Variants in CCDC60 observed in about 807,000 individuals in gnomAD.
CCDC60 encodes coiled-coil domain containing 60, also known as coiled-coil domain-containing protein 60.
In CCDC60, 54 loss-of-function variants were observed where a neutral mutation model predicts 63.5. The observed-to-expected ratio is 0.85, with a 90% CI of 0.68 to 1.07. The LOEUF (loss-of-function observed/expected upper bound fraction) is 1.07. CCDC60 is among the 50% of genes least tolerant of loss of function. The pLI is 0.00. For missense variants in CCDC60, 651 were observed against 684.3 expected, an observed-to-expected ratio of 0.95 and a Z score of 0.54; for synonymous variants, 206 against 238.8, an observed-to-expected ratio of 0.86 and a Z score of 1.27.
At chr12:119,474,524 T>C (rs1472455244) in intron 3 of CCDC60, among the ~76,000 whole-genome samples, 2 of 152,212 alleles carry the variant, frequency 1.3e-5, no homozygotes, top group Non-Finnish European at 2.9e-5. Context: ...AGCAGATTGT[T>C]GGTTGCCAGA....
intron 6 of CCDC60, among the ~76,000 whole-genome samples, chr12:119,504,863 C>T (rs534757784): frequency 6.6e-6 from 1 of 152,314 alleles, no homozygotes; most frequent in Admixed American, 6.5e-5. Flanking sequence ...CACATTTTAA[C>T]ATTATCTCGA....
intron 1 of CCDC60, among the ~76,000 whole-genome samples, chr12:119,359,149 T>A (rs1955746746): frequency 6.6e-6 from 1 of 152,244 alleles, no homozygotes; most frequent in African/African-American, 2.4e-5. Flanking sequence ...GGGTGCTTAG[T>A]AGTATCATAT....
At chr12:119,471,906 CTCTT>C (rs367865178) in intron 2 of CCDC60, 84 bp from the exon 3 acceptor site, 139 of 1,101,184 alleles carry the variant, frequency 1.3e-4, no homozygotes, top group African/African-American at 1.2e-3. Flanking sequence ...TTTCCTCTCT[CTCTT>C]TCTTTCTCTC....
At chr12:119,336,831 G>A (rs990003968) in intron 1 of CCDC60, among the ~76,000 whole-genome samples, 6 of 152,192 alleles carry the variant, frequency 3.9e-5, no homozygotes, top group East Asian at 1.9e-4. Context: ...AAATCGATAC[G>A]TACTGAATGA....
In CCDC60 at chr12:119,406,171, C is replaced by CAA. The variant is rs1365313994; in HGVS notation, c.91-22507_91-22506dup. On this transcript the variant is annotated intron_variant, in intron 1 of 13. Transcript: ENST00000327554. ...GGGCAACAAGAGGGAAACTCTGTCT[C>CAA]AAAAAATATATATATATATAGATAT... is the stretch of plus-strand genomic sequence containing the variant. 1.6e-3 allele frequency among the ~76,000 whole-genome samples: 221 copies of CAA among 134,318 alleles called. 4 individuals carry two copies. Among genetic ancestry groups the CAA allele is most frequent in the African/African-American group, 4.6e-3 (173 of 37,500 alleles). The allele number at this position is 134,318 out of a possible 152,430, so 88.1% of individuals were successfully genotyped here.
intron 1 of CCDC60, among the ~76,000 whole-genome samples, chr12:119,371,810 C>T (rs926963769): frequency 6.6e-6 from 1 of 152,180 alleles, no homozygotes; most frequent in Non-Finnish European, 1.5e-5. Flanking sequence ...GAATTCCCCT[C>T]CCTGGCTCTG....
At chr12:119,484,721 T>TA (rs974214311) in intron 4 of CCDC60, among the ~76,000 whole-genome samples, 20 of 150,274 alleles carry the variant, frequency 1.3e-4, no homozygotes, top group African/African-American at 3.9e-4. Context: ...TCAAAAAAAA[T>TA]AAAAAAAAAG....
chr12:119,443,713 C>T (rs1950487619), intron 2 of CCDC60, among the ~76,000 whole-genome samples: 1 of 152,222 alleles, frequency 6.6e-6, no homozygotes, highest in Non-Finnish European at 1.5e-5. Context: ...AAACCAGCTT[C>T]CCAATCACCT....
At chr12:119,520,006 TAG>T (rs1952478517) in intron 8 of CCDC60, 113 bp from the exon 9 acceptor site, 1 of 856,236 alleles carries the variant, frequency 1.2e-6, no homozygotes, top group Admixed American at 2.0e-5. Context: ...CTGTGCTCAG[TAG>T]AGTCTGAAGA....
At chr12:119,389,846 C>T (rs1260702090) in intron 1 of CCDC60, among the ~76,000 whole-genome samples, 1 of 152,068 alleles carries the variant, frequency 6.6e-6, no homozygotes, top group African/African-American at 2.4e-5. Flanking sequence ...TGGCTTTGCA[C>T]ACATTACCAT....
At chr12:119,501,620 C>T (rs1716441) in intron 6 of CCDC60, among the ~76,000 whole-genome samples, 2 of 151,956 alleles carry the variant, frequency 1.3e-5, no homozygotes, top group Non-Finnish European at 2.9e-5. Context: ...AGATTTAAGA[C>T]GAGCCTTGGT....
intron 3 of CCDC60, 79 bp downstream of exon 3, chr12:119,472,243 C>T (rs889022309): frequency 1.0e-5 from 14 of 1,370,898 alleles, no homozygotes; most frequent in African/African-American, 7.2e-5. Context: ...TAAGGTCAAG[C>T]GAGGGCAGCT....
intron 2 of CCDC60, 36 bp downstream of exon 2, chr12:119,428,798 C>T (rs1956945654): frequency 7.1e-7 from 1 of 1,415,322 alleles, no homozygotes; most frequent in South Asian, 1.2e-5. Flanking sequence ...CCATAGACAA[C>T]CCAACAGGCA....
At chr12:119,465,799 C>A (rs1180098088) in intron 2 of CCDC60, among the ~76,000 whole-genome samples, 1 of 152,018 alleles carries the variant, frequency 6.6e-6, no homozygotes, top group Non-Finnish European at 1.5e-5. Flanking sequence ...ATTCTGACTG[C>A]CTCTGGGCCA....
chr12:119,376,411 T>G lies in CCDC60; in HGVS notation c.90+41145T>G, dbSNP rs530845103. Among the ~76,000 whole-genome samples, 3 of 152,236 alleles carry G rather than the reference T, an allele frequency of 2.0e-5. No homozygotes were observed. In the South Asian group the frequency reaches 6.2e-4, roughly 32 times the overall value. ...GGGAAGCTGAGGCGGGCAGATCGCT[T>G]GAGTCCAGGAGTTTGAAACCAGCCT... is the stretch of plus-strand genomic sequence containing the variant. On this transcript the variant is annotated intron_variant, in intron 1 of 13. Coordinates refer to ENST00000327554, the MANE Select transcript of CCDC60 (RefSeq NM_178499.5).
intron 1 of CCDC60, among the ~76,000 whole-genome samples, chr12:119,391,267 ATG>A (rs1033310733): frequency 6.6e-6 from 1 of 152,164 alleles, no homozygotes; most frequent in Admixed American, 6.5e-5. Context: ...GTCTATGTGT[ATG>A]TGTGTGTGTG....
intron 7 of CCDC60, among the ~76,000 whole-genome samples, chr12:119,515,800 A>T (rs74492842): frequency 0.045 from 6,887 of 152,238 alleles, 475 homozygotes; most frequent in African/African-American, 0.16. Flanking sequence ...GGAGGTCTGG[A>T]TTTTCATGTG....
At chr12:119,348,998 A>C (rs1955626337) in intron 1 of CCDC60, among the ~76,000 whole-genome samples, 1 of 152,232 alleles carries the variant, frequency 6.6e-6, no homozygotes, top group Admixed American at 6.5e-5. Context: ...TATGTGAGTT[A>C]TGCAATTCCA....
At position 119,429,037 on chromosome 12, in the gene CCDC60, C is replaced by G. The variant is rs1320743334; in HGVS notation, c.170+275C>G. 2.7e-5 allele frequency: 9 copies of G among 328,424 alleles called. No individual in the cohort carries two copies. In the East Asian group the frequency reaches 4.4e-4, roughly 16 times the overall value. 20.3% of individuals were successfully genotyped at this position (328,424 alleles called of 1,614,324 possible). A position where few individuals can be genotyped will look rare whatever the true frequency, so the allele number is the denominator to read the frequency against. On this transcript the variant is annotated intron_variant, in intron 2 of 13. Transcript: ENST00000327554. The stretch of plus-strand genomic sequence containing the variant: ...CTGAATCCAACTCAAGAGAGTGTCC[C>G]CATGCTCCAGAAAACCTTCCCTTTT...
Sources: gnomAD v4.1 joint callset for allele counts (sites outside exome capture counted in the v4.1 genomes callset) on GRCh38, gnomAD v4.1.1 for gene constraint, MANE v1.5 for transcripts, NCBI Gene and HGNC (gene_info 2026-07-23, HGNC 2026-07-21) for gene names.